GGTA1: variants seen among roughly 807,000 people sequenced by gnomAD.
The protein encoded by GGTA1 is glycoprotein alpha-galactosyltransferase 1 (inactive), also known as inactive N-acetyllactosaminide alpha-1,3-galactosyltransferase.
Under a neutral mutation model 2.6 loss-of-function variants are expected in GGTA1, and 5 were observed. The ratio of observed to expected loss-of-function variants is 1.92; its 90% confidence interval spans 1.00 to 4.04. GGTA1 has a LOEUF of 4.04. Among genes scored for constraint, GGTA1 ranks in the 30% most tolerant of loss-of-function variants. GGTA1 has a pLI of 0.00. For synonymous variants in GGTA1, 17 were observed against 5.0 expected, an observed-to-expected ratio of 3.38 and a Z score of -3.19; for missense variants, 50 against 16.7, an observed-to-expected ratio of 2.99 and a Z score of -3.47.
At chr9:121,473,278 C>T (rs1828430581) in intron 1 of GGTA1, among the ~76,000 whole-genome samples, 1 of 147,316 alleles carries the variant, frequency 6.8e-6, no homozygotes, top group Non-Finnish European at 1.5e-5. Context: ...AAAGATCATG[C>T]CACTGCACTC....
intron 3 of GGTA1, 122 bp downstream of exon 3, chr9:121,463,171 C>T (rs1314218583): frequency 2.3e-6 from 1 of 425,790 alleles, no homozygotes; most frequent in Non-Finnish European, 4.6e-6. Context: ...GGAATCCACC[C>T]ACCCACCCCT....
At chr9:121,449,997 C>G (rs778236523) in intron 7 of GGTA1, among the ~76,000 whole-genome samples, 7 of 152,134 alleles carry the variant, frequency 4.6e-5, no homozygotes, top group Non-Finnish European at 1.0e-4. Flanking sequence ...CTTGACCAAA[C>G]CCTAAACACA....
intron 3 of GGTA1, 81 bp from the exon 4 acceptor site, chr9:121,461,398 C>A: frequency 2.5e-6 from 1 of 405,526 alleles, no homozygotes; most frequent in South Asian, 1.8e-5. Flanking sequence ...TTTCTATAGC[C>A]GAGATTACTT....
At chr9:121,499,139 C>T (rs1015981434) in intron 1 of GGTA1, among the ~76,000 whole-genome samples, 4 of 151,962 alleles carry the variant, frequency 2.6e-5, no homozygotes, top group Admixed American at 2.0e-4. Context: ...TCTGACATCT[C>T]CCTCTCTATT....
intron 1 of GGTA1, among the ~76,000 whole-genome samples, chr9:121,498,556 G>A (rs1238858159): frequency 2.0e-5 from 3 of 152,316 alleles, no homozygotes; most frequent in African/African-American, 7.2e-5. Context: ...TCACAATCGG[G>A]GAAACTGAGG....
intron 1 of GGTA1, among the ~76,000 whole-genome samples, chr9:121,493,115 C>T (rs557176487): frequency 8.0e-5 from 12 of 150,382 alleles, no homozygotes; most frequent in East Asian, 2.0e-4. Context: ...GCCTGGGTGA[C>T]GGAACGAGAC....
intron 1 of GGTA1, among the ~76,000 whole-genome samples, chr9:121,492,537 G>A (rs141244945): frequency 9.2e-5 from 14 of 152,186 alleles, no homozygotes; most frequent in African/African-American, 3.1e-4. Context: ...GCAATGGCAC[G>A]ATCTTGGCTT....
chr9:121,464,988 C>CAAAAAAAAAAAAAAAAAAAAAAA (rs1325681219), intron 2 of GGTA1, among the ~76,000 whole-genome samples: 2 of 121,852 alleles, frequency 1.6e-5, no homozygotes, highest in Non-Finnish European at 1.8e-5. Context: ...CGTAAAGTGG[C>CAAAAAAAAAAAAAAAAAAAAAAA]AAAAAAACAA....
chr9:121,452,235 C>G (rs906333530), downstream of GGTA1: 1 of 152,670 alleles, frequency 6.6e-6, no homozygotes, highest in African/African-American at 2.4e-5. Flanking sequence ...CCTTCCCACA[C>G]AACCGGCGCC....
chr9:121,492,272 T>A (rs1828885316), intron 1 of GGTA1, among the ~76,000 whole-genome samples: 1 of 152,122 alleles, frequency 6.6e-6, no homozygotes, highest in African/African-American at 2.4e-5. Context: ...CTGCTTTTGT[T>A]TCATCGCAGG....
intron 4 of GGTA1, among the ~76,000 whole-genome samples, chr9:121,460,984 G>C (rs1197408738): frequency 6.6e-6 from 1 of 152,236 alleles, no homozygotes; most frequent in African/African-American, 2.4e-5. Flanking sequence ...GGCTGAGGCA[G>C]GAGGATCACT....
At chr9:121,462,374 G>A (rs927378354) in intron 3 of GGTA1, among the ~76,000 whole-genome samples, 27 of 152,092 alleles carry the variant, frequency 1.8e-4, no homozygotes, top group African/African-American at 6.5e-4. Context: ...AAAGGTGGGT[G>A]CCTTCTGGAG....
chr9:121,497,491 C>T (rs1829018763), intron 1 of GGTA1, among the ~76,000 whole-genome samples: 1 of 152,046 alleles, frequency 6.6e-6, no homozygotes, highest in African/African-American at 2.4e-5. Flanking sequence ...TTGCTGAGTG[C>T]CCATATGTTT....
exon 8 of GGTA1, chr9:121,446,403 A>C (rs898115679): frequency 1.3e-4 from 20 of 152,264 alleles, no homozygotes; most frequent in African/African-American, 4.8e-4. Flanking sequence ...GACGGACTAC[A>C]GATGGTCTGA....
At chr9:121,451,266 A>G (rs151024085), downstream of GGTA1, among the ~76,000 whole-genome samples, 1,276 of 152,176 alleles carry the variant, frequency 8.4e-3, 19 homozygotes, top group African/African-American at 0.029. Context: ...GCTCACTGCA[A>G]CCTCCGCCTC....
At position 121,460,232 on chromosome 9, in the gene GGTA1, G is replaced by C. The variant is rs1564651623; in HGVS notation, c.183-13C>G. 4.4e-6 allele frequency: 2 copies of C among 457,138 alleles called. No individual in the cohort carries two copies. The highest frequency in any genetic ancestry group is 8.8e-6 in the Non-Finnish European group (2 of 227,070). The allele number at this position is 457,138 out of a possible 1,614,324, so 28.3% of individuals were successfully genotyped here. On this transcript the variant is annotated splice_polypyrimidine_tract_variant and intron_variant, in intron 4 of 5. Transcript: ENST00000481799. ...ATAATTGTGGATCCTAAGTACAAAGGGAAAGTAAACCAGGTAAGGCAGGGA... is the reference window on the plus strand; with the variant it reads ...ATAATTGTGGATCCTAAGTACAAAGCGAAAGTAAACCAGGTAAGGCAGGGA...
At chr9:121,465,261 A>G (rs1453733145) in intron 2 of GGTA1, among the ~76,000 whole-genome samples, 1 of 152,228 alleles carries the variant, frequency 6.6e-6, no homozygotes, top group Non-Finnish European at 1.5e-5. Flanking sequence ...AAGTTATCTG[A>G]TCAAGTGTTC....
intron 7 of GGTA1, among the ~76,000 whole-genome samples, chr9:121,449,832 T>G (rs1313849627): frequency 5.8e-5 from 4 of 69,176 alleles, no homozygotes; most frequent in African/African-American, 2.2e-4. Flanking sequence ...AGAGCAAGAC[T>G]CCATCTCAAA....
intron 1 of GGTA1, among the ~76,000 whole-genome samples, chr9:121,483,127 A>G (rs1828688476): frequency 6.6e-6 from 1 of 152,176 alleles, no homozygotes; most frequent in South Asian, 2.1e-4. Context: ...CAGTTTACAG[A>G]GCAGCCTCTC....
Sources: gnomAD v4.1 joint callset for allele counts (sites outside exome capture counted in the v4.1 genomes callset) on GRCh38, gnomAD v4.1.1 for gene constraint, MANE v1.5 for transcripts, NCBI Gene and HGNC (gene_info 2026-07-23, HGNC 2026-07-21) for gene names.